The following GPC5 variants were observed in gnomAD, a reference collection of about 807,000 sequenced individuals.
GPC5 encodes glypican 5, also known as glypican-5.
A neutral mutation model predicts 53.9 loss-of-function variants in GPC5; 47 were observed. That is an observed-to-expected ratio of 0.87 (90% CI 0.69 to 1.11). The LOEUF is 1.11. GPC5 is among the 50% of genes most tolerant of loss of function. The pLI is 0.00. For synonymous variants in GPC5, 286 were observed against 263.3 expected, an observed-to-expected ratio of 1.09 and a Z score of -0.84; for missense variants, 748 against 713.1, an observed-to-expected ratio of 1.05 and a Z score of -0.56.
chr13:91,403,878 A>AACAATG lies in GPC5; in HGVS notation c.163+4669_163+4670insACAATG, dbSNP rs545287395. On this transcript the variant is annotated intron_variant, in intron 1 of 7. Coordinates refer to ENST00000377067, the MANE Select transcript of GPC5 (RefSeq NM_004466.6). ...TCACACATATTCCCTCATGGGGTTA[A>AACAATG]TTATAACTATTGCTGTCAACTATAA... Among the ~76,000 whole-genome samples the AACAATG allele has an allele frequency of 5.2e-3, 796 of 152,302 alleles. 11 individuals are homozygous for AACAATG. The highest frequency in any genetic ancestry group is 0.019 in the African/African-American group (774 of 41,560).
At chr13:92,602,236 ATATATAT>A (rs1566314106) in intron 7 of GPC5, among the ~76,000 whole-genome samples, 12 of 105,188 alleles carry the variant, frequency 1.1e-4, no homozygotes, top group African/African-American at 2.7e-4. Context: ...TATATAACAT[ATATATAT>A]ATATATATAT....
chr13:92,142,557 C>T (rs1228454471), intron 6 of GPC5, among the ~76,000 whole-genome samples: 1 of 152,180 alleles, frequency 6.6e-6, no homozygotes, highest in Non-Finnish European at 1.5e-5. Flanking sequence ...TTATATTTAA[C>T]AATAATTACA....
intron 2 of GPC5, among the ~76,000 whole-genome samples, chr13:91,514,307 A>G (rs1425918770): frequency 1.3e-5 from 2 of 152,170 alleles, no homozygotes; most frequent in Non-Finnish European, 2.9e-5. Context: ...GTGAGCCAAC[A>G]TTTGATGTCA....
chr13:92,128,523 T>C (rs1424446556), intron 6 of GPC5, among the ~76,000 whole-genome samples: 4 of 152,236 alleles, frequency 2.6e-5, no homozygotes, highest in African/African-American at 4.8e-5. Context: ...CAATAACATA[T>C]CTTAATAATA....
chr13:91,581,311 A>G (rs1169904593), intron 2 of GPC5, among the ~76,000 whole-genome samples: 1 of 152,250 alleles, frequency 6.6e-6, no homozygotes, highest in African/African-American at 2.4e-5. Context: ...AGGAAAGTAG[A>G]GTGGAAGAAA....
chr13:91,550,334 G>A (rs939220751), intron 2 of GPC5, among the ~76,000 whole-genome samples: 3 of 152,104 alleles, frequency 2.0e-5, no homozygotes, highest in African/African-American at 7.2e-5. Flanking sequence ...GTCACTAAGA[G>A]TGAACCCCAA....
At chr13:92,002,315 T>C (rs1208274638) in intron 6 of GPC5, among the ~76,000 whole-genome samples, 1 of 152,202 alleles carries the variant, frequency 6.6e-6, no homozygotes, top group East Asian at 1.9e-4. Flanking sequence ...TTCTGCCCAG[T>C]CTAAGATAAT....
chr13:92,423,227 T>C (rs1876663071), intron 7 of GPC5, among the ~76,000 whole-genome samples: 1 of 152,298 alleles, frequency 6.6e-6, no homozygotes, highest in South Asian at 2.1e-4. Flanking sequence ...ACGCTGAAGA[T>C]TAGGTTTCAA....
chr13:92,300,117 C>T (rs911173342), intron 7 of GPC5, among the ~76,000 whole-genome samples: 4 of 152,154 alleles, frequency 2.6e-5, no homozygotes, highest in African/African-American at 9.7e-5. Context: ...CTCTTCCGAA[C>T]ACAGGTTTTC....
At chr13:92,589,482 T>C (rs1304912190) in intron 7 of GPC5, among the ~76,000 whole-genome samples, 2 of 152,170 alleles carry the variant, frequency 1.3e-5, no homozygotes, top group Non-Finnish European at 2.9e-5. Context: ...ATGCCCAACA[T>C]TTCTGATCAA....
At chr13:92,722,420 A>G (rs1329503152) in intron 7 of GPC5, among the ~76,000 whole-genome samples, 1 of 151,912 alleles carries the variant, frequency 6.6e-6, no homozygotes, top group Non-Finnish European at 1.5e-5. Flanking sequence ...AATAAAATAT[A>G]TGGAACCTAT....
At chr13:92,045,199 T>G (rs2138829875) in intron 6 of GPC5, among the ~76,000 whole-genome samples, 1 of 152,276 alleles carries the variant, frequency 6.6e-6, no homozygotes, top group East Asian at 1.9e-4. Context: ...CCGTTCTGTT[T>G]GGTTTACGGT....
chr13:92,518,940 C>T lies in GPC5; in HGVS notation c.1562-347342C>T, dbSNP rs559060922. Among the ~76,000 whole-genome samples the T allele has an allele frequency of 1.3e-4, 20 of 152,152 alleles. No homozygotes were observed. The East Asian group carries it at 3.7e-3, about 28-fold the overall frequency. The stretch of plus-strand genomic sequence containing the variant: ...AATAAAGGGCTGGAGGAATATCTAC[C>T]AAGCAAATGGAAAACAAAAAAAGGC... On this transcript the variant is annotated intron_variant, in intron 7 of 7. Transcript: ENST00000377067.
intron 7 of GPC5, among the ~76,000 whole-genome samples, chr13:92,801,698 T>C (rs1433060152): frequency 6.6e-6 from 1 of 151,816 alleles, no homozygotes; most frequent in Non-Finnish European, 1.5e-5. Flanking sequence ...TTGATGATCC[T>C]GATTTTGTCT....
chr13:92,253,058 A>G (rs1304145801), intron 7 of GPC5, among the ~76,000 whole-genome samples: 2 of 152,100 alleles, frequency 1.3e-5, no homozygotes, highest in African/African-American at 4.8e-5. Context: ...CATCCAAGGA[A>G]CCTATTTTCA....
chr13:91,677,509 C>T (rs1207980261), intron 2 of GPC5, among the ~76,000 whole-genome samples: 3 of 152,058 alleles, frequency 2.0e-5, no homozygotes, highest in African/African-American at 4.8e-5. Flanking sequence ...TTTTAATAGA[C>T]GAGAACCTCA....
chr13:91,685,945 A>G (rs1040240090), intron 2 of GPC5, among the ~76,000 whole-genome samples: 1 of 151,716 alleles, frequency 6.6e-6, no homozygotes, highest in Admixed American at 6.6e-5. Context: ...AAAAAAAACA[A>G]AGAAAAAGAG....
intron 6 of GPC5, among the ~76,000 whole-genome samples, chr13:92,112,665 A>C (rs1393172662): frequency 1.3e-5 from 2 of 152,104 alleles, no homozygotes; most frequent in Non-Finnish European, 2.9e-5. Flanking sequence ...AAAATTGGGA[A>C]AGAAAGCAGG....
At chr13:92,190,682 ACT>A (rs1044818998) in intron 7 of GPC5, among the ~76,000 whole-genome samples, 2 of 152,178 alleles carry the variant, frequency 1.3e-5, no homozygotes, top group East Asian at 1.9e-4. Context: ...TATATTGCAA[ACT>A]CTATGAAAAC....
Sources: gnomAD v4.1 joint callset for allele counts (sites outside exome capture counted in the v4.1 genomes callset) on GRCh38, gnomAD v4.1.1 for gene constraint, MANE v1.5 for transcripts, NCBI Gene and HGNC (gene_info 2026-07-23, HGNC 2026-07-21) for gene names.